The following LAMA2 variants were observed in gnomAD, a reference collection of about 807,000 sequenced individuals.
LAMA2 encodes laminin subunit alpha 2, also known as laminin subunit alpha-2.
Under a neutral mutation model 364.8 loss-of-function variants are expected in LAMA2, and 269 were observed. The ratio of observed to expected loss-of-function variants is 0.74; its 90% CI spans 0.67 to 0.82. LAMA2 has a LOEUF of 0.82. LAMA2 is among the 40% of genes least tolerant of loss of function. LAMA2 has a pLI of 0.00. For missense variants in LAMA2, 3,807 were observed against 3,873.2 expected, an observed-to-expected ratio of 0.98 and a Z score of 0.45; for synonymous variants, 1,379 against 1,370.6, an observed-to-expected ratio of 1.01 and a Z score of -0.14.
intron 47 of LAMA2, among the ~76,000 whole-genome samples, chr6:129,455,693 T>G (rs1470654305): frequency 1.3e-5 from 2 of 152,196 alleles, no homozygotes; most frequent in Non-Finnish European, 2.9e-5. Context: ...TTCAAAATTC[T>G]GTTAATTGAA....
Position 129,403,904 on chromosome 6 carries a change from A to C in LAMA2, c.5810A>C (p.Glu1937Ala), listed in dbSNP as rs1442414955. Residue 1937 changes from glutamate to alanine, a missense_variant, in exon 40 of 65, where the codon GAA (glutamate) becomes GCA (alanine). Glu to Ala is a moderately radical substitution (Grantham distance 107). Around this residue, in one of 3 missense-constraint regions of LAMA2, gnomAD observed 3,333 missense variants for 3,345.7 expected, o/e 1.00. Coordinates refer to ENST00000421865, the MANE Select transcript of LAMA2 (RefSeq NM_000426.4). ...AGCAATATTAAGGACTATATTGATG[A>C]AGCTGAGAAAGTTGCCAAAGAAGCC... ...AYSNIKDYID[E>A]AEKVAKEAKD... is the part of the protein sequence containing the mutation. 1 of 1,613,974 alleles carries C rather than the reference A, an allele frequency of 6.2e-7. No individual in the cohort carries two copies. The highest frequency in any genetic ancestry group is 8.5e-7 in the Non-Finnish European group (1 of 1,179,900).
At chr6:129,156,149 A>G (rs1779100516) in intron 8 of LAMA2, among the ~76,000 whole-genome samples, 1 of 151,404 alleles carries the variant, frequency 6.6e-6, no homozygotes, top group South Asian at 2.1e-4. Flanking sequence ...TGATATAACC[A>G]TTTCACAATT....
intron 8 of LAMA2, among the ~76,000 whole-genome samples, chr6:129,161,564 A>G (rs1300118951): frequency 6.6e-6 from 1 of 152,096 alleles, no homozygotes; most frequent in African/African-American, 2.4e-5. Flanking sequence ...CAGGTAGTAC[A>G]TGGGTAAATT....
At chr6:129,447,965 T>C (rs1782474183) in intron 45 of LAMA2, among the ~76,000 whole-genome samples, 1 of 152,162 alleles carries the variant, frequency 6.6e-6, no homozygotes, top group East Asian at 1.9e-4. Context: ...CATGTAAGCA[T>C]ATAAAACCTG....
chr6:129,110,412 G>T (rs1776083419), intron 4 of LAMA2, among the ~76,000 whole-genome samples: 1 of 152,000 alleles, frequency 6.6e-6, no homozygotes, highest in Admixed American at 6.6e-5. Context: ...AGATTTGCTG[G>T]TTATTATCAG....
chr6:129,089,753 A>G (rs1354744752), intron 3 of LAMA2, among the ~76,000 whole-genome samples: 3 of 152,236 alleles, frequency 2.0e-5, no homozygotes, highest in Non-Finnish European at 2.9e-5. Flanking sequence ...GTTGTTAAAA[A>G]TGATAGCAAC....
chr6:129,058,002 G>A (rs1475388422), intron 2 of LAMA2, among the ~76,000 whole-genome samples: 4 of 152,104 alleles, frequency 2.6e-5, no homozygotes, highest in African/African-American at 4.8e-5. Context: ...AATAAACACA[G>A]GAGTACAGGG....
chr6:129,258,963 A>T (rs1325151861), intron 14 of LAMA2, among the ~76,000 whole-genome samples: 1 of 152,072 alleles, frequency 6.6e-6, no homozygotes, highest in African/African-American at 2.4e-5. Context: ...ATAGTGTTGG[A>T]TGAGTTTATT....
chr6:129,506,528 T>A (rs1020771978), intron 61 of LAMA2, among the ~76,000 whole-genome samples: 1 of 152,106 alleles, frequency 6.6e-6, no homozygotes, highest in African/African-American at 2.4e-5. Context: ...CAATTTTGGA[T>A]TCAGAATTTA....
chr6:129,125,980 ATATACT>A (rs1210527412), intron 4 of LAMA2, among the ~76,000 whole-genome samples: 1 of 152,164 alleles, frequency 6.6e-6, no homozygotes, highest in African/African-American at 2.4e-5. Flanking sequence ...AAAATATGTG[ATATACT>A]TATACCCATA....
chr6:129,379,507 C>T (rs1318857821), intron 34 of LAMA2, among the ~76,000 whole-genome samples: 2 of 152,134 alleles, frequency 1.3e-5, no homozygotes, highest in South Asian at 2.1e-4. Flanking sequence ...AACCTCACGT[C>T]TCCTCCTCTT....
intron 22 of LAMA2, among the ~76,000 whole-genome samples, chr6:129,304,761 T>C (rs1047002323): frequency 3.3e-5 from 5 of 152,224 alleles, no homozygotes; most frequent in African/African-American, 1.2e-4. Flanking sequence ...AGTTTCTAAA[T>C]ATTTGGGGAA....
intron 1 of LAMA2, among the ~76,000 whole-genome samples, chr6:128,965,118 A>G (rs1057230573): frequency 2.6e-5 from 4 of 152,070 alleles, no homozygotes; most frequent in Admixed American, 2.6e-4. Flanking sequence ...GGTTCTTTAA[A>G]TCATGAAAAA....
intron 3 of LAMA2, among the ~76,000 whole-genome samples, chr6:129,086,669 G>A (rs1774405345): frequency 6.6e-6 from 1 of 152,164 alleles, no homozygotes; most frequent in African/African-American, 2.4e-5. Flanking sequence ...CTAGTCAGGT[G>A]AAGTAGCACA....
At chr6:129,232,054 C>T (rs920337007) in intron 12 of LAMA2, among the ~76,000 whole-genome samples, 4 of 152,124 alleles carry the variant, frequency 2.6e-5, no homozygotes, top group Middle Eastern at 6.8e-3. Context: ...CTGCATTATA[C>T]GAAGTTCTTT....
Position 129,223,574 on chromosome 6 carries a change from T to G in LAMA2, c.1783-26538T>G, listed in dbSNP as rs573208696. On this transcript the variant is annotated intron_variant, in intron 12 of 64. Coordinates refer to ENST00000421865, the MANE Select transcript of LAMA2 (RefSeq NM_000426.4). ...CTTTCTACATATGGCTAGCCAGTTT[T>G]CCCAGCACCATTTATTAAATAGGGA... is the stretch of plus-strand genomic sequence containing the variant. Among the ~76,000 whole-genome samples the G allele has an allele frequency of 7.9e-5, 12 of 152,352 alleles. No homozygotes were observed. In the East Asian group the frequency reaches 2.3e-3, roughly 29 times the overall value.
chr6:129,456,238 G>A (rs563641931), intron 47 of LAMA2, 97 bp from the exon 48 acceptor site: 5 of 1,230,956 alleles, frequency 4.1e-6, no homozygotes, highest in East Asian at 2.3e-5. Context: ...ACAAGTCTCC[G>A]CATTTTATAT....
In LAMA2 at chr6:129,154,670, T is replaced by A; in HGVS notation, c.1193T>A (p.Phe398Tyr). 6.2e-7 allele frequency: 1 copy of A among 1,613,944 alleles called. No individual in the cohort carries two copies. The highest frequency in any genetic ancestry group is 8.5e-7 in the Non-Finnish European group (1 of 1,179,854). The change falls in exon 8 of 65, where the codon TTC (phenylalanine) becomes TAC (tyrosine). Residue 398 changes from phenylalanine (F) to tyrosine (Y), a missense_variant. Phe to Tyr is a conservative substitution (Grantham distance 22). Around this residue, in one of 3 missense-constraint regions of LAMA2, gnomAD observed 80 missense variants for 124.0 expected, o/e 0.65. Coordinates refer to ENST00000421865, the MANE Select transcript of LAMA2 (RefSeq NM_000426.4). ...INCETCTDGF[F>Y]RPKGVSPNYP... ...TGCGAGACATGTACTGATGGCTTCT[T>A]CAGACCCAAAGGGGTAAAGTATGCT...
chr6:129,292,760 G>T, intron 20 of LAMA2: 2 of 968,680 alleles, frequency 2.1e-6, no homozygotes, highest in Non-Finnish European at 1.2e-6. Flanking sequence ...TAATATCATT[G>T]CTCTGTTTTG....
Sources: allele counts gnomAD v4.1 joint callset (sites outside exome capture counted in the v4.1 genomes callset), GRCh38; gene constraint gnomAD v4.1.1; regional missense constraint gnomAD v4.1.1; transcripts MANE v1.5; gene names NCBI Gene and HGNC (gene_info 2026-07-23, HGNC 2026-07-21).